MEIS2: variants seen among roughly 807,000 people sequenced by gnomAD.
The protein encoded by MEIS2 is Meis homeobox 2.
MEIS2 carries 9 observed loss-of-function variants against 58.6 expected under a neutral mutation model. That is an observed-to-expected ratio of 0.15 (90% confidence interval 0.09 to 0.27). MEIS2 has a LOEUF of 0.27. MEIS2 is among the 10% of genes least tolerant of loss of function. The probability of loss-of-function intolerance (pLI) is 1.00; values close to 1 mark genes in which losing one functional copy is unlikely to be tolerated. For synonymous variants in MEIS2, 221 were observed against 228.4 expected (o/e 0.97, Z 0.29); for missense variants, 427 against 635.0 (o/e 0.67, Z 3.52).
chr15:36,988,464 C>T (rs1488473263), intron 8 of MEIS2, among the ~76,000 whole-genome samples: 1 of 152,004 alleles, frequency 6.6e-6, no homozygotes, highest in Non-Finnish European at 1.5e-5. Flanking sequence ...ACCCTTCAGA[C>T]AGCAAAAATA....
intron 8 of MEIS2, among the ~76,000 whole-genome samples, chr15:36,977,486 G>C (rs2141492359): frequency 6.6e-6 from 1 of 152,328 alleles, no homozygotes; most frequent in Non-Finnish European, 1.5e-5. Context: ...CTATTCATGT[G>C]ATCTTGGGTG....
intron 3 of MEIS2, 32 bp from the exon 4 acceptor site, chr15:37,095,646 C>T (rs750651413): frequency 1.9e-5 from 30 of 1,614,010 alleles, no homozygotes; most frequent in Middle Eastern, 3.3e-4. Flanking sequence ...CTTGAACGAT[C>T]ACCCCATTTA....
chr15:37,009,072 A>G (rs766146848), intron 8 of MEIS2, among the ~76,000 whole-genome samples: 3 of 152,180 alleles, frequency 2.0e-5, no homozygotes, highest in Middle Eastern at 3.4e-3. Context: ...GGCAGATCAC[A>G]AGGTCAGGAG....
intron 8 of MEIS2, among the ~76,000 whole-genome samples, chr15:36,993,980 G>T (rs754676292): frequency 6.6e-6 from 1 of 151,882 alleles, no homozygotes. Context: ...TGATTTTCAG[G>T]GTCAATAAAG....
intron 8 of MEIS2, among the ~76,000 whole-genome samples, chr15:36,962,295 A>C (rs2059212242): frequency 6.6e-6 from 1 of 152,230 alleles, no homozygotes; most frequent in South Asian, 2.1e-4. Flanking sequence ...TGAGTTAACC[A>C]GTTACCCATA....
Position 36,969,687 on chromosome 15 carries a change from G to A in MEIS2, c.901-19287C>T, listed in dbSNP as rs527930416. Among the ~76,000 whole-genome samples, 4 of 152,276 alleles carry A rather than the reference G, an allele frequency of 2.6e-5. No homozygotes were observed. The East Asian group carries it at 7.7e-4, about 29-fold the overall frequency. Reference sequence around the variant, plus strand: ...AAGTAAAAGGGCAAAGATCAAACCAGTATATGTACACAGGAGGAAGCACTA... The same window carrying A: ...AAGTAAAAGGGCAAAGATCAAACCAATATATGTACACAGGAGGAAGCACTA... On this transcript the variant is annotated intron_variant, in intron 8 of 11. Transcript: ENST00000561208.
chr15:37,036,990 A>G, intron 7 of MEIS2, 31 bp from the exon 8 acceptor site: 1 of 1,577,460 alleles, frequency 6.3e-7, no homozygotes, highest in Non-Finnish European at 8.6e-7. Flanking sequence ...TACATTAGAG[A>G]AAACATCGCA....
chr15:37,094,449 G>C, intron 5 of MEIS2, 78 bp downstream of exon 5: 2 of 1,414,052 alleles, frequency 1.4e-6, no homozygotes, highest in Admixed American at 1.8e-5. Context: ...TCACACTAGA[G>C]GTTTGTTAAA....
chr15:36,950,449 A>C (rs778380334), intron 8 of MEIS2, 49 bp from the exon 9 acceptor site: 1 of 1,538,564 alleles, frequency 6.5e-7, no homozygotes, highest in East Asian at 2.3e-5. Flanking sequence ...GTTAAGAAAG[A>C]GTCACTTACT....
intron 9 of MEIS2, among the ~76,000 whole-genome samples, chr15:36,948,314 C>T (rs1271581493): frequency 1.3e-5 from 2 of 151,834 alleles, no homozygotes; most frequent in Non-Finnish European, 1.5e-5. Context: ...CGTGTATATG[C>T]CTTGGGGCTC....
chr15:36,967,971 C>T (rs925037968), intron 8 of MEIS2, among the ~76,000 whole-genome samples: 8 of 152,142 alleles, frequency 5.3e-5, no homozygotes, highest in South Asian at 2.1e-4. Flanking sequence ...TCTCTATTGC[C>T]GCTGCAATCA....
chr15:36,892,319 G>A lies in MEIS2; in HGVS notation c.1288C>T (p.Pro430Ser), dbSNP rs762901201. 2 of 1,613,632 alleles carry A rather than the reference G, an allele frequency of 1.2e-6. No homozygotes were observed. Among genetic ancestry groups the A allele is most frequent in the African/African-American group, 1.3e-5 (1 of 74,822 alleles). ...ATGGCTGGGTGGTGGGGATGGCTTG[G>A]CAAATATGAATGCATTGGGGGTCCA... ...RHGPPMHSYLPSHPHHPAMMM... is the reference protein window; with the variant it reads ...RHGPPMHSYLSSHPHHPAMMM... The change falls in exon 12 of 12, where the codon CCA (proline) becomes TCA (serine). Residue 430 changes from proline to serine, a missense_variant. Physicochemically the swap from Pro to Ser is moderately conservative, Grantham distance 74 (BLOSUM62 -1). This residue lies in a region of MEIS2 where 154 missense variants were observed against 148.1 expected (regional missense o/e 1.04). Coordinates refer to ENST00000561208, the MANE Select transcript of MEIS2 (RefSeq NM_170675.5).
At chr15:37,083,743 T>G (rs1397542756) in intron 7 of MEIS2, 28 bp downstream of exon 7, 1 of 1,591,024 alleles carries the variant, frequency 6.3e-7, no homozygotes. Flanking sequence ...ATGCCTACTT[T>G]GCACGAGGAA....
At chr15:36,958,985 A>G (rs571249017) in intron 8 of MEIS2, among the ~76,000 whole-genome samples, 1 of 152,326 alleles carries the variant, frequency 6.6e-6, no homozygotes, top group East Asian at 1.9e-4. Context: ...AAACAGGTTT[A>G]GGCTATTTAG....
chr15:36,895,267 T>A lies in MEIS2; in HGVS notation c.1037-6A>T, dbSNP rs1364048622. On this transcript the variant is annotated splice_region_variant and splice_polypyrimidine_tract_variant and intron_variant, in intron 10 of 11. Transcript: ENST00000561208. ...TGAAGGATCAAGAAGAAAACCTGAT[T>A]GTGGTCATTCGAGGACACAGAGGAG... 6 of 1,612,448 alleles carry A rather than the reference T, an allele frequency of 3.7e-6. No homozygotes were observed. In the African/African-American group the frequency reaches 8.0e-5, roughly 22 times the overall value.
chr15:37,015,663 T>C (rs1408609585), intron 8 of MEIS2, among the ~76,000 whole-genome samples: 2 of 152,054 alleles, frequency 1.3e-5, no homozygotes, highest in African/African-American at 2.4e-5. Context: ...CTGGATGCTC[T>C]AGGAAAGGAG....
At chr15:36,991,788 T>C (rs1316244159) in intron 8 of MEIS2, among the ~76,000 whole-genome samples, 6 of 118,330 alleles carry the variant, frequency 5.1e-5, no homozygotes, top group African/African-American at 1.6e-4. Context: ...TTTTTCTTTT[T>C]TTTTTTTTTT....
intron 8 of MEIS2, among the ~76,000 whole-genome samples, chr15:36,978,934 G>A (rs1334509157): frequency 6.6e-6 from 1 of 151,964 alleles, no homozygotes; most frequent in Non-Finnish European, 1.5e-5. Flanking sequence ...TTACATTTTT[G>A]TTTATTAGAT....
At chr15:37,033,159 T>C (rs535650821) in intron 8 of MEIS2, among the ~76,000 whole-genome samples, 15 of 152,330 alleles carry the variant, frequency 9.8e-5, no homozygotes, top group African/African-American at 3.6e-4. Flanking sequence ...TCTGGGCCTT[T>C]TGAGGTATTC....
Sources: allele counts gnomAD v4.1 joint callset (sites outside exome capture counted in the v4.1 genomes callset), GRCh38; gene constraint gnomAD v4.1.1; regional missense constraint gnomAD v4.1.1; transcripts MANE v1.5; gene names NCBI Gene and HGNC (gene_info 2026-07-23, HGNC 2026-07-21).